Variants in NLE1 observed in about 807,000 individuals in gnomAD.
NLE1 encodes notchless protein homolog 1.
In NLE1, 37 loss-of-function variants were observed where a neutral mutation model predicts 62.8. The observed-to-expected ratio is 0.59, with a 90% CI of 0.45 to 0.78. NLE1 has a LOEUF of 0.78. Ranked by LOEUF, NLE1 falls within the 30% of genes least tolerant of loss-of-function variation. NLE1 has a pLI of 0.00. For synonymous variants in NLE1, 243 were observed against 253.0 expected (o/e 0.96, Z 0.37); for missense variants, 555 against 637.9 (o/e 0.87, Z 1.40).
intron 10 of NLE1, among the ~76,000 whole-genome samples, chr17:35,134,256 C>T (rs1013426600): frequency 1.3e-5 from 2 of 152,164 alleles, no homozygotes. Context: ...ATGCTGATGC[C>T]GCTGGTCTGT....
At position 35,136,449 on chromosome 17, in the gene NLE1, T is replaced by C. The variant is rs200899525; in HGVS notation, c.877A>G (p.Met293Val). 11 of 1,614,118 alleles carry C rather than the reference T, an allele frequency of 6.8e-6. No homozygotes were observed. The highest frequency in any genetic ancestry group is 9.3e-6 in the Non-Finnish European group (11 of 1,179,982). ...LQGHGHWVNT[M>V]ALSTDYALRT... is the part of the protein sequence containing the mutation. ...AGGGCATAGTCAGTGCTGAGGGCCATGGTGTTCACCCAGTGGCCGTGGCCT... is the reference window on the plus strand; with the variant it reads ...AGGGCATAGTCAGTGCTGAGGGCCACGGTGTTCACCCAGTGGCCGTGGCCT... Residue 293 changes from methionine to valine, a missense_variant, in exon 8 of 13, where the codon ATG (methionine) becomes GTG (valine). By Grantham distance (21) the Met-to-Val change is conservative. Transcript: ENST00000442241.
intron 2 of NLE1, among the ~76,000 whole-genome samples, chr17:35,141,190 A>G (rs1000190657): frequency 6.6e-6 from 1 of 152,160 alleles, no homozygotes; most frequent in African/African-American, 2.4e-5. Flanking sequence ...GGGTCCAGGA[A>G]CTGCAATTTT....
chr17:35,139,242 T>C lies in NLE1; in HGVS notation c.453A>G (p.Thr151=). Residue 151 remains threonine (T), a synonymous_variant, in exon 4 of 13, where the codon ACA becomes ACG. Transcript: ENST00000442241. ...WDLSTETPHF[T]CKGHRHWVLS... ...GGCTAATTGCATACTGACCCTTGCATGTGAAATGTGGTGTCTCTGTGCTGA... is the reference window on the plus strand; with the variant it reads ...GGCTAATTGCATACTGACCCTTGCACGTGAAATGTGGTGTCTCTGTGCTGA... 2 of 1,613,572 alleles carry C rather than the reference T, an allele frequency of 1.2e-6. No individual in the cohort carries two copies. Among genetic ancestry groups the C allele is most frequent in the Non-Finnish European group, 1.7e-6 (2 of 1,179,680 alleles).
At position 35,139,959 on chromosome 17, in the gene NLE1, G is replaced by C; in HGVS notation, c.270C>G (p.Ile90Met). 6.2e-7 allele frequency: 1 copy of C among 1,614,212 alleles called. No homozygotes were observed. The highest frequency in any genetic ancestry group is 8.5e-7 in the Non-Finnish European group (1 of 1,180,046). Reference protein sequence around the residue: ...QAVETEKVLDIIYQPQAIFRV... With the variant: ...QAVETEKVLDMIYQPQAIFRV... Reference sequence around the variant, plus strand: ...TGAAGATAGCCTGTGGCTGGTAGATGATGTCTAGGACCTTCTCTGTCTCCA... The same window carrying C: ...TGAAGATAGCCTGTGGCTGGTAGATCATGTCTAGGACCTTCTCTGTCTCCA... The change falls in exon 3 of 13, where the codon ATC (isoleucine) becomes ATG (methionine). Residue 90 changes from isoleucine to methionine, a missense_variant. Ile to Met is a conservative substitution (Grantham distance 10). Coordinates refer to ENST00000442241, the MANE Select transcript of NLE1 (RefSeq NM_018096.5).
chr17:35,136,628 T>A, intron 7 of NLE1, 131 bp from the exon 8 acceptor site: 7 of 1,159,866 alleles, frequency 6.0e-6, no homozygotes, highest in Non-Finnish European at 6.0e-6. Context: ...AAACTACCCC[T>A]CTGGGGTCAA....
Position 35,137,133 on chromosome 17 carries a change from G to A in NLE1, c.696C>T (p.Asp232=). 1 of 1,613,788 alleles carries A rather than the reference G, an allele frequency of 6.2e-7. No individual in the cohort carries two copies. Among genetic ancestry groups the A allele is most frequent in the East Asian group, 2.2e-5 (1 of 44,876 alleles). Residue 232 remains aspartate, a synonymous_variant, in exon 7 of 13, where the codon GAC becomes GAT. Coordinates refer to ENST00000442241, the MANE Select transcript of NLE1 (RefSeq NM_018096.5). Reference sequence around the variant, plus strand: ...TGCGCTCACAGCGGCCTGCAGTTGTGTCCCAGATCCGCACACTGCCATCCT... The same window carrying A: ...TGCGCTCACAGCGGCCTGCAGTTGTATCCCAGATCCGCACACTGCCATCCT... ...SSKDGSVRIW[D]TTAGRCERIL... is the part of the protein sequence containing the mutation.
rs1409134379 is a variant in NLE1 at position 35,130,213 on chromosome 17, TAGAG to T, written c.*2220_*2223del. The T allele has an allele frequency of 1.9e-6, 3 of 1,564,736 alleles. No individual in the cohort carries two copies. Among genetic ancestry groups the T allele is most frequent in the Non-Finnish European group, 2.6e-6 (3 of 1,155,948 alleles). ...CAGCAGACAGAAAAAAAAGGGGTGA[TAGAG>T]ACAGAGAGAGAGCCAGGTTCAGATC... On this transcript the variant is annotated 3_prime_UTR_variant, in exon 13 of 13. Coordinates refer to ENST00000442241, the MANE Select transcript of NLE1 (RefSeq NM_018096.5).
rs2091933477 is a variant in NLE1, at chr17:35,140,062, T to C, written c.167A>G (p.Asp56Gly). Residue 56 changes from aspartate to glycine, a missense_variant, in exon 3 of 13, where the codon GAT (aspartate) becomes GGT (glycine). Transcript: ENST00000442241. The part of the protein sequence containing the change: ...LVCNALLAQE[D>G]PLPLAFFVHD... ...GACAAAGAAAGCCAGTGGCAGGGGA[T>C]CCTCCTGAAGGACAATGGTAAAGGA... 3.1e-6 allele frequency: 5 copies of C among 1,612,924 alleles called. No homozygotes were observed. The highest frequency in any genetic ancestry group is 4.2e-6 in the Non-Finnish European group (5 of 1,179,894).
At position 35,137,899 on chromosome 17, in the gene NLE1, G is replaced by A. The variant is rs763646878; in HGVS notation, c.461-9C>T. ...GACCCAGTGTCTGTGTCCTAAGAAA[G>A]CAGAGGAGGGAGAAATAAGGGACTA... On this transcript the variant is annotated splice_polypyrimidine_tract_variant and intron_variant, in intron 4 of 12. Coordinates refer to ENST00000442241, the MANE Select transcript of NLE1 (RefSeq NM_018096.5). The A allele has an allele frequency of 1.0e-5, 16 of 1,607,992 alleles. No homozygotes were observed. The East Asian group carries it at 3.3e-4, about 34-fold the overall frequency.
intron 2 of NLE1, 82 bp from the exon 3 acceptor site, chr17:35,140,148 G>T: frequency 6.7e-7 from 1 of 1,501,972 alleles, no homozygotes. Flanking sequence ...CCACTGAGCT[G>T]TGGGAGGTGA....
chr17:35,135,524 A>G, intron 9 of NLE1, 73 bp from the exon 10 acceptor site: 1 of 1,338,384 alleles, frequency 7.5e-7, no homozygotes, highest in Non-Finnish European at 1.1e-6. Flanking sequence ...CTTTGGCAGC[A>G]AGCATACACC....
At chr17:35,141,502 C>T (rs1054717719) in intron 2 of NLE1, among the ~76,000 whole-genome samples, 1 of 149,518 alleles carries the variant, frequency 6.7e-6, no homozygotes, top group East Asian at 2.0e-4. Flanking sequence ...GCAGAGATCA[C>T]GCCACTACAC....
At position 35,133,219 on chromosome 17, in the gene NLE1, G is replaced by A; in HGVS notation, c.1397C>T (p.Pro466Leu). Residue 466 changes from proline (P) to leucine (L), a missense_variant, in exon 12 of 13, where the codon CCA becomes CTA. By Grantham distance (98) the Pro-to-Leu change is moderately conservative. Transcript: ENST00000442241. ...ADEVYAVDWS[P>L]DGQRVASGGK... ...ACCACTTGCCACTCTCTGGCCATCT[G>A]GACTCCAGTCAACAGCATATACCTA... The A allele has an allele frequency of 1.2e-6, 2 of 1,614,206 alleles. No homozygotes were observed. The highest frequency in any genetic ancestry group is 2.2e-5 in the East Asian group (1 of 44,886).
chr17:35,136,249 TGAG>T (rs2091908017), intron 8 of NLE1, 34 bp from the exon 9 acceptor site: 2 of 1,613,586 alleles, frequency 1.2e-6, no homozygotes, highest in Admixed American at 1.7e-5. Context: ...GAAAAGGAGA[TGAG>T]GAAGAAGGCC....
At chr17:35,140,920 C>T (rs1480457715) in intron 2 of NLE1, among the ~76,000 whole-genome samples, 1 of 152,154 alleles carries the variant, frequency 6.6e-6, no homozygotes. Flanking sequence ...TCATAACAAC[C>T]GTGGGAAGTA....
intron 2 of NLE1, among the ~76,000 whole-genome samples, chr17:35,141,678 G>A (rs2091945065): frequency 6.6e-6 from 1 of 152,174 alleles, no homozygotes; most frequent in Non-Finnish European, 1.5e-5. Context: ...AGTCCCTCCG[G>A]GCCACGCTGT....
chr17:35,135,203 C>T (rs1339105641), intron 10 of NLE1, 46 bp downstream of exon 10: 2 of 1,570,022 alleles, frequency 1.3e-6, no homozygotes, highest in Non-Finnish European at 1.8e-6. Flanking sequence ...CCAAGCCCCT[C>T]CCACCATTCA....
At chr17:35,139,503 G>A (rs2091929667) in intron 3 of NLE1, among the ~76,000 whole-genome samples, 189 bp from the exon 4 acceptor site, 2 of 152,202 alleles carry the variant, frequency 1.3e-5, no homozygotes, top group Non-Finnish European at 2.9e-5. Flanking sequence ...GCTATAACCA[G>A]CTTTTGAAGC....
Position 35,132,388 on chromosome 17 carries a change from C to T in NLE1, c.*49G>A, listed in dbSNP as rs116531881. On this transcript the variant is annotated 3_prime_UTR_variant, in exon 13 of 13. Transcript: ENST00000442241. ...CTTTGTTCTCTGGCAGGGAAGGCAG[C>T]TGGCAGAGGCCGAGTCGAGGTGGGG... 2.0e-4 allele frequency: 291 copies of T among 1,433,508 alleles called. 2 individuals carry two copies. In the African/African-American group the frequency reaches 3.7e-3, roughly 18 times the overall value. The allele number at this position is 1,433,508 out of a possible 1,614,324, so 88.8% of individuals were successfully genotyped here. A position where few individuals can be genotyped will look rare whatever the true frequency, so the allele number is the denominator to read the frequency against.
Sources: allele counts gnomAD v4.1 joint callset (sites outside exome capture counted in the v4.1 genomes callset), GRCh38; gene constraint gnomAD v4.1.1; transcripts MANE v1.5; gene names NCBI Gene and HGNC (gene_info 2026-07-23, HGNC 2026-07-21).